Variants in KCNK2 observed in about 807,000 individuals in gnomAD.
The protein encoded by KCNK2 is potassium two pore domain channel subfamily K member 2, also known as potassium channel subfamily K member 2.
Under a neutral mutation model 40.5 loss-of-function variants are expected in KCNK2, and 21 were observed. That is an observed-to-expected ratio of 0.52 (90% CI 0.37 to 0.75). The LOEUF is 0.75. KCNK2 is among the 30% of genes least tolerant of loss of function. The pLI is 0.00. For missense variants in KCNK2, 399 were observed against 531.6 expected (o/e 0.75, Z 2.45); for synonymous variants, 191 against 202.2 (o/e 0.94, Z 0.47).
intron 5 of KCNK2, among the ~76,000 whole-genome samples, chr1:215,186,608 C>A (rs1390315402): frequency 6.6e-6 from 1 of 152,164 alleles, no homozygotes; most frequent in African/African-American, 2.4e-5. Context: ...AGGCAGTGCT[C>A]AGGTGTCTCT....
chr1:215,056,048 G>C (rs576554627), intron 1 of KCNK2, among the ~76,000 whole-genome samples: 6 of 152,094 alleles, frequency 3.9e-5, no homozygotes, highest in Non-Finnish European at 8.8e-5. Flanking sequence ...GCTCATGCCT[G>C]TAATCCCAGC....
At chr1:215,162,113 A>G (rs550363631) in intron 3 of KCNK2, among the ~76,000 whole-genome samples, 2 of 152,266 alleles carry the variant, frequency 1.3e-5, no homozygotes, top group African/African-American at 4.8e-5. Flanking sequence ...AACAATCACC[A>G]TTCTAACTGA....
chr1:215,138,755 G>T (rs12132201), intron 3 of KCNK2, among the ~76,000 whole-genome samples: 7,352 of 152,272 alleles, frequency 0.048, 198 homozygotes, highest in Middle Eastern at 0.13. Context: ...TGATGTGGAT[G>T]ATGAGAGAAA....
chr1:215,134,829 A>T (rs1422796313), intron 3 of KCNK2, among the ~76,000 whole-genome samples: 1 of 151,916 alleles, frequency 6.6e-6, no homozygotes, highest in Non-Finnish European at 1.5e-5. Context: ...CCTCCTAGTA[A>T]CCCTTTTGCT....
At chr1:215,009,733 A>G (rs920510628) in intron 1 of KCNK2, among the ~76,000 whole-genome samples, 5 of 152,148 alleles carry the variant, frequency 3.3e-5, no homozygotes, top group Non-Finnish European at 7.4e-5. Context: ...TGTCATCCAC[A>G]GAGGCCCAAC....
intron 3 of KCNK2, among the ~76,000 whole-genome samples, chr1:215,136,346 C>T (rs1300750163): frequency 6.6e-6 from 1 of 151,780 alleles, no homozygotes; most frequent in Non-Finnish European, 1.5e-5. Flanking sequence ...GTCCACCCAC[C>T]GTCGGCCTCT....
intron 3 of KCNK2, among the ~76,000 whole-genome samples, chr1:215,160,402 T>C (rs564730407): frequency 2.0e-5 from 3 of 152,282 alleles, no homozygotes; most frequent in African/African-American, 7.2e-5. Context: ...ATTATAACTT[T>C]TCTGTGAGTT....
In KCNK2 at chr1:215,086,698, T is replaced by C. The variant is rs375431705; in HGVS notation, c.357+20T>C. ...ATTCAGGTAATGGCATGGGAGGAGT[T>C]GTTACTCTGTTCCCCCAAATGGGAA... On this transcript the variant is annotated intron_variant, in intron 2 of 6. Transcript: ENST00000444842. The C allele has an allele frequency of 2.5e-6, 4 of 1,596,982 alleles. No individual in the cohort carries two copies. In the African/African-American group the frequency reaches 4.0e-5, roughly 16 times the overall value.
At position 215,220,591 on chromosome 1, in the gene KCNK2, A is replaced by G. The variant is rs187663768; in HGVS notation, c.964-14237A>G. The stretch of plus-strand genomic sequence containing the variant: ...ACGGATGGCTAACTAGTTCTGCTCC[A>G]TTTCACTGCTTTGGGACTGAATTGT... On this transcript the variant is annotated intron_variant, in intron 6 of 6. Coordinates refer to ENST00000444842, the MANE Select transcript of KCNK2 (RefSeq NM_001017425.3). 3.3e-5 allele frequency among the ~76,000 whole-genome samples: 5 copies of G among 152,278 alleles called. No individual in the cohort carries two copies. In the East Asian group the frequency reaches 7.7e-4, roughly 24 times the overall value.
At chr1:215,181,515 A>C (rs1163856184) in intron 5 of KCNK2, among the ~76,000 whole-genome samples, 1 of 152,158 alleles carries the variant, frequency 6.6e-6, no homozygotes, top group African/African-American at 2.4e-5. Context: ...TTTTATATGA[A>C]TAGCATATTT....
chr1:215,111,816 T>C (rs28557424), intron 2 of KCNK2, among the ~76,000 whole-genome samples: 1 of 151,666 alleles, frequency 6.6e-6, no homozygotes, highest in African/African-American at 2.4e-5. Context: ...ACTTTTATGA[T>C]TGGATCTACG....
intron 6 of KCNK2, among the ~76,000 whole-genome samples, chr1:215,230,960 G>T (rs565951423): frequency 9.2e-5 from 14 of 152,260 alleles, no homozygotes; most frequent in African/African-American, 3.1e-4. Context: ...ACTCCAACAA[G>T]TCTGAGCTTT....
intron 1 of KCNK2, among the ~76,000 whole-genome samples, chr1:215,007,924 G>A (rs1656243268): frequency 6.6e-6 from 1 of 152,052 alleles, no homozygotes; most frequent in South Asian, 2.1e-4. Context: ...CAGGCAAATT[G>A]CAAATCTTTC....
intron 5 of KCNK2, among the ~76,000 whole-genome samples, chr1:215,191,283 C>CA (rs34924845): frequency 0.013 from 1,854 of 139,152 alleles, 39 homozygotes; most frequent in South Asian, 0.057. Context: ...GGCTGCATCT[C>CA]AAAAAAAAAA....
Position 215,185,932 on chromosome 1 carries a change from G to T in KCNK2, c.824-9021G>T, listed in dbSNP as rs150314952. Among the ~76,000 whole-genome samples the T allele has an allele frequency of 3.8e-3, 572 of 152,312 alleles. 3 individuals carry two copies. Among genetic ancestry groups the T allele is most frequent in the African/African-American group, 0.013 (529 of 41,564 alleles). On this transcript the variant is annotated intron_variant, in intron 5 of 6. Coordinates refer to ENST00000444842, the MANE Select transcript of KCNK2 (RefSeq NM_001017425.3). Reference sequence around the variant, plus strand: ...AAACTGTGGTGTTATTAAAGGAAAAGAAGTATATTTTGGAAAGTGATTTAT... The same window carrying T: ...AAACTGTGGTGTTATTAAAGGAAAATAAGTATATTTTGGAAAGTGATTTAT...
rs148553833 is a variant in KCNK2, at chr1:215,144,360, C to T, written c.475+19610C>T. Among the ~76,000 whole-genome samples, 322 of 152,232 alleles carry T rather than the reference C, an allele frequency of 2.1e-3. 4 individuals carry two copies. The highest frequency in any genetic ancestry group is 7.4e-3 in the African/African-American group (309 of 41,552). On this transcript the variant is annotated intron_variant, in intron 3 of 6. Coordinates refer to ENST00000444842, the MANE Select transcript of KCNK2 (RefSeq NM_001017425.3). ...TTTCATCTAAATGACCCAACTTCAG[C>T]TGTCATCACTCAGATTCAGGATCTG...
At chr1:215,100,794 T>C (rs1404468143) in intron 2 of KCNK2, among the ~76,000 whole-genome samples, 1 of 152,060 alleles carries the variant, frequency 6.6e-6, no homozygotes, top group Admixed American at 6.6e-5. Flanking sequence ...TTCCCAGTTG[T>C]TACTAAGTAA....
intron 1 of KCNK2, chr1:215,005,994 T>C: frequency 6.4e-7 from 1 of 1,556,432 alleles, no homozygotes. Flanking sequence ...TTATTTGTTT[T>C]CAAATTTTCT....
At chr1:215,102,048 T>C (rs1660244943) in intron 2 of KCNK2, among the ~76,000 whole-genome samples, 1 of 152,072 alleles carries the variant, frequency 6.6e-6, no homozygotes, top group Admixed American at 6.6e-5. Context: ...TGTGATATTT[T>C]GATGCCTGTA....
Sources: allele counts gnomAD v4.1 joint callset (sites outside exome capture counted in the v4.1 genomes callset), GRCh38; gene constraint gnomAD v4.1.1; transcripts MANE v1.5; gene names NCBI Gene and HGNC (gene_info 2026-07-23, HGNC 2026-07-21).